The following AURKC variants were observed in gnomAD, a reference collection of about 807,000 sequenced individuals.
The protein encoded by AURKC is aurora kinase C, also known as ARK-3.
Under a neutral mutation model 29.2 loss-of-function variants are expected in AURKC, and 15 were observed. The observed-to-expected ratio is 0.51, with a 90% confidence interval of 0.34 to 0.79. The LOEUF (loss-of-function observed/expected upper bound fraction) is 0.79. Ranked by LOEUF, AURKC falls within the 30% of genes least tolerant of loss-of-function variation. The pLI is 0.01. For synonymous variants in AURKC, 150 were observed against 149.9 expected (o/e 1.00, Z -0.01); for missense variants, 332 against 383.2 (o/e 0.87, Z 1.12).
chr19:57,232,498 A>G lies in AURKC; in HGVS notation c.297-44A>G. The G allele has an allele frequency of 6.2e-7, 1 of 1,613,824 alleles. No individual in the cohort carries two copies. ...GGCAGTGACGGTGGCATCATATGAT[A>G]GGCCTCAGGGAGAAATCTGACTCTT... On this transcript the variant is annotated intron_variant, in intron 3 of 6. Transcript: ENST00000302804. The surrounding 1 kb of genome is among the most constrained non-coding windows in gnomAD (Gnocchi z 4.5).
At chr19:57,231,975 C>G (rs777888803) in intron 2 of AURKC, 58 bp from the exon 3 acceptor site, 3 of 1,611,128 alleles carry the variant, frequency 1.9e-6, no homozygotes, top group South Asian at 1.1e-5. Flanking sequence ...GCATCCCTGA[C>G]TTTCCCTCCG....
Position 57,232,289 on chromosome 19 carries a change from T to C in AURKC, c.296+65T>C. The C allele has an allele frequency of 6.3e-7, 1 of 1,578,452 alleles. No individual in the cohort carries two copies. Among genetic ancestry groups the C allele is most frequent in the South Asian group, 1.1e-5 (1 of 88,876 alleles). On this transcript the variant is annotated intron_variant, in intron 3 of 6. Coordinates refer to ENST00000302804, the MANE Select transcript of AURKC (RefSeq NM_001015878.2). The surrounding 1 kb of genome is among the most constrained non-coding windows in gnomAD (Gnocchi z 4.5). Reference sequence around the variant, plus strand: ...TGAGCCCAGCATTTTCCCCAAATACTAACCCCAAGTAAACCCTGCACTTGT... The same window carrying C: ...TGAGCCCAGCATTTTCCCCAAATACCAACCCCAAGTAAACCCTGCACTTGT...
Position 57,235,438 on chromosome 19 carries a change from C to G in AURKC, c.*21C>G, listed in dbSNP as rs546445504. 124 of 1,613,006 alleles carry G rather than the reference C, an allele frequency of 7.7e-5. 2 individuals are homozygous for G. The Middle Eastern group carries it at 1.1e-3, about 15-fold the overall frequency. ...CCTGAGCCCTGTCTGCCTCTGTTCC[C>G]TTTGTGTGTGTTCAGGGAGCTCTCC... On this transcript the variant is annotated 3_prime_UTR_variant, in exon 7 of 7. Transcript: ENST00000302804.
rs576302127 is a variant in AURKC, at chr19:57,231,064, G to C, written c.-185G>C. 2.1e-5 allele frequency: 30 copies of C among 1,409,878 alleles called. No individual in the cohort carries two copies. The East Asian group carries it at 7.2e-4, about 34-fold the overall frequency. 87.3% of individuals were successfully genotyped at this position (1,409,878 alleles called of 1,614,324 possible). ...GTATAAAAGAAGGCCGCGCAGCCAC[G>C]GCTGCTCACGACGCCGCGGATCCCG... On this transcript the variant is annotated 5_prime_UTR_variant, in exon 1 of 7. Transcript: ENST00000302804.
chr19:57,231,860 G>A (rs1568483715), intron 2 of AURKC, 73 bp downstream of exon 2: 6 of 1,613,454 alleles, frequency 3.7e-6, no homozygotes, highest in Non-Finnish European at 5.1e-6. Context: ...GACTGGGTGT[G>A]TGGGGTGCTG....
At position 57,234,920 on chromosome 19, in the gene AURKC, G is replaced by A. The variant is rs148940837; in HGVS notation, c.621G>A (p.Pro207=). 1,833 of 1,614,124 alleles carry A rather than the reference G, an allele frequency of 1.1e-3. 28 individuals are homozygous for A. The African/African-American group carries it at 0.021, about 18-fold the overall frequency. ...KTMCGTLDYL[P]PEMIEGRTYD... Reference sequence around the variant, plus strand: ...TGTGTGGGACACTGGACTACTTGCCGCCAGAAATGATTGAGGGGAGAACAT... The same window carrying A: ...TGTGTGGGACACTGGACTACTTGCCACCAGAAATGATTGAGGGGAGAACAT... Residue 207 remains proline (P), a synonymous_variant, in exon 6 of 7, where the codon CCG becomes CCA. Coordinates refer to ENST00000302804, the MANE Select transcript of AURKC (RefSeq NM_001015878.2).
Position 57,235,065 on chromosome 19 carries a change from C to T in AURKC, c.759+7C>T, listed in dbSNP as rs1181175891. 5 of 1,613,964 alleles carry T rather than the reference C, an allele frequency of 3.1e-6. No individual in the cohort carries two copies. Among genetic ancestry groups the T allele is most frequent in the Non-Finnish European group, 4.2e-6 (5 of 1,180,044 alleles). ...TTACAGACGCATCCTCAAGGTGGGA[C>T]AGTCACCTTTGGGCATTCATGGGGG... On this transcript the variant is annotated splice_region_variant and intron_variant, in intron 6 of 6. Coordinates refer to ENST00000302804, the MANE Select transcript of AURKC (RefSeq NM_001015878.2).
intron 5 of AURKC, among the ~76,000 whole-genome samples, chr19:57,234,025 C>T (rs1156485566): frequency 6.6e-6 from 1 of 150,602 alleles, no homozygotes; most frequent in Non-Finnish European, 1.5e-5. Context: ...AGCCACCATG[C>T]CTGGCTGAAC....
In AURKC at chr19:57,235,486, T is replaced by C. The variant is rs1026201634; in HGVS notation, c.*69T>C. Reference sequence around the variant, plus strand: ...TCCTGGCTCTGCCACCTCATTTGTCTTTATTTTTTTCTCTTTTAAGATGTA... The same window carrying C: ...TCCTGGCTCTGCCACCTCATTTGTCCTTATTTTTTTCTCTTTTAAGATGTA... On this transcript the variant is annotated 3_prime_UTR_variant, in exon 7 of 7. Transcript: ENST00000302804. 5.7e-6 allele frequency: 9 copies of C among 1,579,866 alleles called. No individual in the cohort carries two copies. The African/African-American group carries it at 1.2e-4, about 21-fold the overall frequency.
At chr19:57,234,202 C>T (rs1339458678) in intron 5 of AURKC, among the ~76,000 whole-genome samples, 1 of 151,888 alleles carries the variant, frequency 6.6e-6, no homozygotes, top group Non-Finnish European at 1.5e-5. Context: ...GGATTACAGG[C>T]ATGGGCCATC....
rs1191640454 is a variant in AURKC, at chr19:57,232,414, G to A, written c.297-128G>A. 1.3e-6 allele frequency: 2 copies of A among 1,497,282 alleles called. No homozygotes were observed. The highest frequency in any genetic ancestry group is 1.8e-6 in the Non-Finnish European group (2 of 1,083,612). 92.7% of individuals were successfully genotyped at this position (1,497,282 alleles called of 1,614,324 possible). A position where few individuals can be genotyped will look rare whatever the true frequency, so the allele number is the denominator to read the frequency against. On this transcript the variant is annotated intron_variant, in intron 3 of 6. Transcript: ENST00000302804. This position sits in a 1 kb window ranked among gnomAD's most constrained non-coding sequence, Gnocchi z 4.5. ...CCTGTTCTCCGTTCTCCCCTCACTT[G>A]CTCCCAGATAGGGCTGTTGTTATTC...
Position 57,232,566 on chromosome 19 carries a change from T to G in AURKC, c.321T>G (p.Tyr107Ter), listed in dbSNP as rs1202265691. 1 of 1,614,186 alleles carries G rather than the reference T, an allele frequency of 6.2e-7. No homozygotes were observed. Among genetic ancestry groups the G allele is most frequent in the South Asian group, 1.1e-5 (1 of 91,082 alleles). ...GACACCCCAATATCCTGCGCCTGTA[T>G]AACTATTTCCATGATGCACGCCGGG... ...HLQHPNILRL[Y>*]NYFHDARRVY... Residue 107 changes from tyrosine to a stop codon, truncating the protein, a stop_gained, in exon 4 of 7, where the codon TAT becomes TAG. Coordinates refer to ENST00000302804, the MANE Select transcript of AURKC (RefSeq NM_001015878.2). LOFTEE classifies it high-confidence loss of function. This position sits in a 1 kb window ranked among gnomAD's most constrained non-coding sequence, Gnocchi z 4.5.
intron 5 of AURKC, 144 bp downstream of exon 5, chr19:57,233,752 TTC>T (rs370842671): frequency 2.5e-6 from 3 of 1,203,866 alleles, no homozygotes; most frequent in African/African-American, 3.1e-5. Flanking sequence ...TTCTTTTCTT[TTC>T]TTTTTTTTTT....
chr19:57,231,036 C>T lies in AURKC; in HGVS notation c.-213C>T, dbSNP rs2087480200. On this transcript the variant is annotated 5_prime_UTR_variant, in exon 1 of 7. Transcript: ENST00000302804. The stretch of plus-strand genomic sequence containing the variant: ...AAGTACCTCTCTGAGCGGTTGGTGC[C>T]GGGTATAAAAGAAGGCCGCGCAGCC... 7 of 1,155,640 alleles carry T rather than the reference C, an allele frequency of 6.1e-6. No homozygotes were observed. In the East Asian group the frequency reaches 1.3e-4, roughly 21 times the overall value. The allele number at this position is 1,155,640 out of a possible 1,614,324, so 71.6% of individuals were successfully genotyped here. A position where few individuals can be genotyped will look rare whatever the true frequency, so the allele number is the denominator to read the frequency against.
intron 1 of AURKC, 37 bp from the exon 2 acceptor site, chr19:57,231,705 T>A (rs1437306197): frequency 2.5e-6 from 4 of 1,597,214 alleles, no homozygotes; most frequent in South Asian, 2.2e-5. Flanking sequence ...TTCCCTCCCC[T>A]CTCCCTTCCT....
In AURKC at chr19:57,231,257, C is replaced by G; in HGVS notation, c.9C>G (p.Ser3=). Residue 3 remains serine (S), a synonymous_variant, in exon 1 of 7, where the codon TCC becomes TCG. Coordinates refer to ENST00000302804, the MANE Select transcript of AURKC (RefSeq NM_001015878.2). ...CCTCACCTCTTCTCCCCATGAGCTC[C>G]CCCAGAGCTGTGGTGCAGCTGGGCA... MS[S]PRAVVQLGKA... 6.4e-7 allele frequency: 1 copy of G among 1,552,082 alleles called. No individual in the cohort carries two copies.
Position 57,231,188 on chromosome 19 carries a change from T to A in AURKC, c.-61T>A. ...ACCCCCCACCCCTTTCAGGACCCTGTGAACGGGAACAGCCATCCAGAGGGT... is the reference window on the plus strand; with the variant it reads ...ACCCCCCACCCCTTTCAGGACCCTGAGAACGGGAACAGCCATCCAGAGGGT... On this transcript the variant is annotated 5_prime_UTR_variant, in exon 1 of 7. Coordinates refer to ENST00000302804, the MANE Select transcript of AURKC (RefSeq NM_001015878.2). 6.4e-7 allele frequency: 1 copy of A among 1,550,994 alleles called. No individual in the cohort carries two copies. The highest frequency in any genetic ancestry group is 8.7e-7 in the Non-Finnish European group (1 of 1,146,730).
intron 5 of AURKC, among the ~76,000 whole-genome samples, chr19:57,234,592 C>G (rs1228167979): frequency 2.0e-5 from 3 of 152,214 alleles, no homozygotes; most frequent in African/African-American, 7.2e-5. Context: ...GATACACCAT[C>G]AGTTTGTTCT....
rs772011888 is a variant in AURKC at position 57,231,786 on chromosome 19, A to G, written c.103A>G (p.Met35Val). 3.7e-6 allele frequency: 6 copies of G among 1,613,558 alleles called. No individual in the cohort carries two copies. The highest frequency in any genetic ancestry group is 5.1e-6 in the Non-Finnish European group (6 of 1,179,652). ...QTAQQPSSPA[M>V]RRLTVDDFEI... ...AGCCCAGCAGCCCAGCAGCCCAGCC[A>G]TGTGAGTCCCTTGGGATTGGTATCT... The change falls in exon 2 of 7, where the codon ATG becomes GTG. Residue 35 changes from methionine to valine, a missense_variant and splice_region_variant. Met to Val is a conservative substitution (Grantham distance 21). Transcript: ENST00000302804.
Sources: allele counts gnomAD v4.1 joint callset (sites outside exome capture counted in the v4.1 genomes callset), GRCh38; gene constraint gnomAD v4.1.1; non-coding constraint Gnocchi (gnomAD v3.1); transcripts MANE v1.5; gene names NCBI Gene and HGNC (gene_info 2026-07-23, HGNC 2026-07-21).